The following PDE12 variants were observed in gnomAD, a reference collection of about 807,000 sequenced individuals.
PDE12 encodes phosphodiesterase 12, also known as 2',5'-phosphodiesterase 12.
PDE12 carries 26 observed loss-of-function variants against 45.4 expected under a neutral mutation model. The observed-to-expected ratio is 0.57, with a 90% CI of 0.42 to 0.79. PDE12 has a LOEUF of 0.79. Among genes scored for constraint, PDE12 ranks in the 30% least tolerant of loss-of-function variants. PDE12 has a pLI of 0.00. For missense variants in PDE12, 668 were observed against 790.0 expected (o/e 0.85, Z 1.85); for synonymous variants, 283 against 323.9 (o/e 0.87, Z 1.36).
chr3:57,604,932 A>G, the PDE12 span, among the ~76,000 whole-genome samples: 5 of 152,218 alleles, frequency 3.3e-5, no homozygotes, highest in Admixed American at 3.3e-4. Context: ...CTTTTAAAAC[A>G]AAATAACTAA....
In PDE12 at chr3:57,556,656, A is replaced by T. The variant is rs763237818; in HGVS notation, c.277A>T (p.Lys93Ter). The part of the protein sequence containing the change: ...LKGHAKAAAA[K>*]KSRKSRPNAS... ...GGGTCACGCTAAGGCGGCCGCCGCCAAGAAGAGCAGGAAGAGCCGGCCGAA... is the reference window on the plus strand; with the variant it reads ...GGGTCACGCTAAGGCGGCCGCCGCCTAGAAGAGCAGGAAGAGCCGGCCGAA... Residue 93 changes from lysine (K) to a stop codon, truncating the protein, a stop_gained, in exon 1 of 3, where the codon AAG (lysine) becomes TAG (stop). Transcript: ENST00000311180. LOFTEE classifies it high-confidence loss of function. The surrounding 1 kb of genome is among the most constrained non-coding windows in gnomAD (Gnocchi z 5.0). The T allele has an allele frequency of 5.6e-6, 9 of 1,600,418 alleles. No homozygotes were observed. The African/African-American group carries it at 1.1e-4, about 19-fold the overall frequency.
chr3:57,557,586 G>A lies in PDE12; in HGVS notation c.1207G>A (p.Glu403Lys). ...TAGCCAGCATGACATTTCATTCTAC[G>A]AAGCCCTCGAGTCCGACCCACTTCA... ...LLSQHDISFY[E>K]ALESDPLHKE... is the part of the protein sequence containing the mutation. Residue 403 changes from glutamate to lysine, a missense_variant, in exon 1 of 3, where the codon GAA (glutamate) becomes AAA (lysine). Transcript: ENST00000311180. 1 of 1,614,090 alleles carries A rather than the reference G, an allele frequency of 6.2e-7. No homozygotes were observed. Among genetic ancestry groups the A allele is most frequent in the Middle Eastern group, 1.6e-4 (1 of 6,062 alleles).
the PDE12 span, chr3:57,597,067 C>G: frequency 1.2e-6 from 2 of 1,613,822 alleles, no homozygotes; most frequent in South Asian, 2.2e-5. Context: ...CGCAGCCCCT[C>G]ACTCACCCAT....
At chr3:57,593,785 T>G in the PDE12 span, among the ~76,000 whole-genome samples, 2 of 152,090 alleles carry the variant, frequency 1.3e-5, no homozygotes, top group African/African-American at 4.8e-5. Flanking sequence ...CCTGTAACCC[T>G]AGCACTTTTC....
At chr3:57,584,920 G>C in the PDE12 span, among the ~76,000 whole-genome samples, 1 of 152,164 alleles carries the variant, frequency 6.6e-6, no homozygotes, top group Admixed American at 6.6e-5. Flanking sequence ...CGGGAGTGAA[G>C]TGGCATGATC....
chr3:57,557,678 T>G lies in PDE12; in HGVS notation c.1299T>G (p.Ser433=). The G allele has an allele frequency of 6.2e-7, 1 of 1,613,522 alleles. No individual in the cohort carries two copies. Residue 433 remains serine, a synonymous_variant, in exon 1 of 3, where the codon TCT becomes TCG. Transcript: ENST00000311180. ...SAQEKVLQRS[S]VLQVSVLQST... is the part of the protein sequence containing the mutation. Reference sequence around the variant, plus strand: ...AGGAGAAGGTGCTCCAGAGATCTTCTGTTCTTCAGGTAAAGTAGTTCCGCC... The same window carrying G: ...AGGAGAAGGTGCTCCAGAGATCTTCGGTTCTTCAGGTAAAGTAGTTCCGCC...
chr3:57,608,189 A>G, the PDE12 span, among the ~76,000 whole-genome samples: 1 of 152,176 alleles, frequency 6.6e-6, no homozygotes, highest in African/African-American at 2.4e-5. Flanking sequence ...GCAAATGCTG[A>G]GAGATTTTGT....
the PDE12 span, among the ~76,000 whole-genome samples, chr3:57,655,433 T>TTAG: frequency 6.6e-6 from 1 of 152,186 alleles, no homozygotes; most frequent in South Asian, 2.1e-4. Flanking sequence ...ATCAAAGGTG[T>TTAG]TAGTGATGGG....
the PDE12 span, among the ~76,000 whole-genome samples, chr3:57,643,826 CAA>C: frequency 5.3e-5 from 5 of 94,160 alleles, no homozygotes; most frequent in Admixed American, 1.2e-4. Flanking sequence ...GACTCTGTCT[CAA>C]AAAAAAAAAA....
At chr3:57,559,473 A>G in intron 2 of PDE12, 85 bp downstream of exon 2, 1 of 1,557,974 alleles carries the variant, frequency 6.4e-7, no homozygotes, top group Non-Finnish European at 8.8e-7. Context: ...CTTGAACGTC[A>G]CCCAGAGACT....
the PDE12 span, among the ~76,000 whole-genome samples, chr3:57,584,660 GACC>G: frequency 2.0e-5 from 3 of 152,222 alleles, no homozygotes; most frequent in South Asian, 6.2e-4. Flanking sequence ...CTGCTTTCTA[GACC>G]AAGAGAGACA....
chr3:57,609,052 A>C, the PDE12 span, among the ~76,000 whole-genome samples: 109 of 152,330 alleles, frequency 7.2e-4, 1 homozygote, highest in African/African-American at 2.5e-3. Flanking sequence ...ACAACAGTGC[A>C]ATCAAACTAG....
chr3:57,654,376 T>C, the PDE12 span, among the ~76,000 whole-genome samples: 1 of 152,160 alleles, frequency 6.6e-6, no homozygotes, highest in Admixed American at 6.5e-5. Context: ...ATCAGATACA[T>C]TTTATGTGGT....
At chr3:57,595,435 C>T in the PDE12 span, among the ~76,000 whole-genome samples, 1 of 152,174 alleles carries the variant, frequency 6.6e-6, no homozygotes, top group Non-Finnish European at 1.5e-5. Flanking sequence ...CTTAAATATG[C>T]TTGCCCTCCT....
chr3:57,645,775 A>T, the PDE12 span: 9 of 1,580,652 alleles, frequency 5.7e-6, no homozygotes, highest in Non-Finnish European at 7.8e-6. Context: ...CAGGAAGAAC[A>T]TGTAAAATAA....
the PDE12 span, among the ~76,000 whole-genome samples, chr3:57,613,736 T>C: frequency 6.6e-6 from 1 of 151,028 alleles, no homozygotes; most frequent in Non-Finnish European, 1.5e-5. Flanking sequence ...CCGTCTCTAC[T>C]AAAAATACAA....
At chr3:57,626,909 G>A in the PDE12 span, 3 of 152,462 alleles carry the variant, frequency 2.0e-5, no homozygotes, top group Non-Finnish European at 4.4e-5. Context: ...TAGGAAAAGT[G>A]TTTTAAGAAA....
chr3:57,626,920 C>T, the PDE12 span: 50 of 152,462 alleles, frequency 3.3e-4, no homozygotes, highest in African/African-American at 1.2e-3. Context: ...TTTTAAGAAA[C>T]ATTAATGTTG....
the PDE12 span, among the ~76,000 whole-genome samples, chr3:57,578,894 G>A: frequency 6.6e-6 from 1 of 151,496 alleles, no homozygotes; most frequent in South Asian, 2.1e-4. Flanking sequence ...TAGAAAAGGG[G>A]GGGGGCAAAA....
Sources: allele counts gnomAD v4.1 joint callset (sites outside exome capture counted in the v4.1 genomes callset), GRCh38; gene constraint gnomAD v4.1.1; non-coding constraint Gnocchi (gnomAD v3.1); transcripts MANE v1.5; gene names NCBI Gene and HGNC (gene_info 2026-07-23, HGNC 2026-07-21).